Variants in FAM151B observed in about 807,000 individuals in gnomAD.
FAM151B encodes protein FAM151B.
Under a neutral mutation model 31.2 loss-of-function variants are expected in FAM151B, and 24 were observed. The ratio of observed to expected loss-of-function variants is 0.77; its 90% CI spans 0.56 to 1.08. The LOEUF is 1.08. FAM151B is among the 50% of genes least tolerant of loss of function. The pLI is 0.00. For missense variants in FAM151B, 293 were observed against 328.6 expected, an observed-to-expected ratio of 0.89 and a Z score of 0.84; for synonymous variants, 105 against 111.4, an observed-to-expected ratio of 0.94 and a Z score of 0.36.
At chr5:80,513,907 A>G in intron 3 of FAM151B, 138 bp downstream of exon 3, 1 of 823,554 alleles carries the variant, frequency 1.2e-6, no homozygotes. Flanking sequence ...AAATGAACCT[A>G]AGACCCACTG....
At chr5:80,533,760 A>AAAG (rs1440423898) in intron 5 of FAM151B, among the ~76,000 whole-genome samples, 1 of 151,376 alleles carries the variant, frequency 6.6e-6, no homozygotes, top group Non-Finnish European at 1.5e-5. Context: ...AAAAAAAAAA[A>AAAG]AAAAAAAAGA....
chr5:80,522,812 T>C (rs769707756), intron 5 of FAM151B, among the ~76,000 whole-genome samples: 3 of 152,206 alleles, frequency 2.0e-5, no homozygotes, highest in African/African-American at 7.2e-5. Context: ...TATTTTGGTA[T>C]GTAATAAAAA....
chr5:80,519,561 T>A, intron 3 of FAM151B, 132 bp from the exon 4 acceptor site: 1 of 740,850 alleles, frequency 1.3e-6, no homozygotes, highest in Non-Finnish European at 2.2e-6. Flanking sequence ...TATGCGATCT[T>A]TGATTTTATT....
chr5:80,509,438 CT>C (rs1561366210), intron 2 of FAM151B, among the ~76,000 whole-genome samples: 1 of 152,110 alleles, frequency 6.6e-6, no homozygotes, highest in Non-Finnish European at 1.5e-5. Flanking sequence ...TGAGAAGGCC[CT>C]CTTTAAGTAT....
At chr5:80,527,822 A>C (rs1745041226) in intron 5 of FAM151B, among the ~76,000 whole-genome samples, 1 of 152,100 alleles carries the variant, frequency 6.6e-6, no homozygotes, top group African/African-American at 2.4e-5. Flanking sequence ...GACCATATTA[A>C]ATTTATTTAA....
chr5:80,527,295 C>T (rs868301347), intron 5 of FAM151B, among the ~76,000 whole-genome samples: 35 of 151,910 alleles, frequency 2.3e-4, no homozygotes, highest in Admixed American at 6.6e-5. Context: ...TGGTGGCACA[C>T]GTCTGTAATC....
rs567737723 is a variant in FAM151B at position 80,513,504 on chromosome 5, C to CT, written c.152-91dup. On this transcript the variant is annotated intron_variant, in intron 2 of 5. Coordinates refer to ENST00000282226, the MANE Select transcript of FAM151B (RefSeq NM_205548.3). ...GCTCACTGAGTGTTACTTTTCTTTCCTTTTTTTTTATCTTCCTCAAAAGGA... is the reference window on the plus strand; with the variant it reads ...GCTCACTGAGTGTTACTTTTCTTTCCTTTTTTTTTTATCTTCCTCAAAAGGA... The CT allele has an allele frequency of 9.3e-4, 1,111 of 1,199,666 alleles. 1 individual carries two copies. The highest frequency in any genetic ancestry group is 3.2e-3 in the South Asian group (197 of 61,066). 74.3% of individuals were successfully genotyped at this position (1,199,666 alleles called of 1,614,324 possible).
intron 1 of FAM151B, 149 bp downstream of exon 1, chr5:80,488,297 C>A: frequency 9.5e-7 from 1 of 1,047,192 alleles, no homozygotes; most frequent in Non-Finnish European, 1.3e-6. Flanking sequence ...GCTTGGAGCC[C>A]GCTCTGCACT....
intron 1 of FAM151B, among the ~76,000 whole-genome samples, chr5:80,494,456 TTTTCTTTCTTTCTTTCTTTCTTTCTTTC>T (rs3043120): frequency 6.0e-5 from 5 of 82,688 alleles, no homozygotes; most frequent in African/African-American, 2.2e-4. Context: ...TCTTTCTTTC[TTTTCTTTCTTTCTTTCTTTCTTTCTTTC>T]TTTCTTTCTT....
chr5:80,532,160 A>C (rs1745271264), intron 5 of FAM151B, among the ~76,000 whole-genome samples: 2 of 141,744 alleles, frequency 1.4e-5, no homozygotes, highest in Non-Finnish European at 3.0e-5. Context: ...ATAGGTGGGA[A>C]TCGAACAATG....
chr5:80,508,416 C>G (rs566277215), intron 2 of FAM151B, among the ~76,000 whole-genome samples: 1 of 152,222 alleles, frequency 6.6e-6, no homozygotes, highest in East Asian at 1.9e-4. Flanking sequence ...TCTAGTTTCT[C>G]CACATCTTTG....
At chr5:80,532,197 C>T (rs1021281639) in intron 5 of FAM151B, among the ~76,000 whole-genome samples, 3 of 127,158 alleles carry the variant, frequency 2.4e-5, no homozygotes, top group African/African-American at 9.4e-5. Flanking sequence ...GGGTGGGGAA[C>T]ATCCCACACC....
rs564053634 is a variant in FAM151B at position 80,519,781 on chromosome 5, C to A, written c.406C>A (p.Pro136Thr). The A allele has an allele frequency of 6.2e-7, 1 of 1,614,136 alleles. No homozygotes were observed. Among genetic ancestry groups the A allele is most frequent in the African/African-American group, 1.3e-5 (1 of 75,050 alleles). ...TGTATGGATTAATGCCGATATTCTT[C>A]CTGGTCCAAATGGAAATAGCAAAGT... ...RPVWINADIL[P>T]GPNGNSKVID... Residue 136 changes from proline (P) to threonine (T), a missense_variant, in exon 4 of 6, where the codon CCT (proline) becomes ACT (threonine). By Grantham distance (38) the Pro-to-Thr change is conservative. Transcript: ENST00000282226.
At chr5:80,505,947 G>A (rs1011611799) in intron 2 of FAM151B, 5 of 249,452 alleles carry the variant, frequency 2.0e-5, no homozygotes, top group Non-Finnish European at 3.5e-5. Context: ...TTGTAGAGAC[G>A]AGATTTCACC....
Position 80,500,917 on chromosome 5 carries a change from G to A in FAM151B, c.26-875G>A, listed in dbSNP as rs1276674464. 3 of 758,242 alleles carry A rather than the reference G, an allele frequency of 4.0e-6. No individual in the cohort carries two copies. The East Asian group carries it at 7.4e-5, about 19-fold the overall frequency. 47.0% of individuals were successfully genotyped at this position (758,242 alleles called of 1,614,324 possible). On this transcript the variant is annotated intron_variant, in intron 1 of 5. Coordinates refer to ENST00000282226, the MANE Select transcript of FAM151B (RefSeq NM_205548.3). Reference sequence around the variant, plus strand: ...GGATCTGATTCATGAGATCTATACTGTTGGAAAACACTTCAAAGAAGCAAA... The same window carrying A: ...GGATCTGATTCATGAGATCTATACTATTGGAAAACACTTCAAAGAAGCAAA...
intron 1 of FAM151B, among the ~76,000 whole-genome samples, chr5:80,499,699 T>C (rs996854573): frequency 1.3e-5 from 2 of 151,678 alleles, no homozygotes; most frequent in African/African-American, 4.8e-5. Context: ...ATCCTATATG[T>C]CTACTAATTA....
At chr5:80,520,680 G>A (rs996519035) in intron 4 of FAM151B, among the ~76,000 whole-genome samples, 2 of 140,670 alleles carry the variant, frequency 1.4e-5, no homozygotes, top group Admixed American at 7.0e-5. Flanking sequence ...ATATATATAT[G>A]TGTGTGTATA....
At chr5:80,529,253 T>C (rs1221928654) in intron 5 of FAM151B, among the ~76,000 whole-genome samples, 2 of 152,062 alleles carry the variant, frequency 1.3e-5, no homozygotes, top group Non-Finnish European at 2.9e-5. Context: ...TAGAGGGAAA[T>C]TTATAGCACT....
rs778116783 is a variant in FAM151B at position 80,541,716 on chromosome 5, G to A, written c.715G>A (p.Val239Ile). ...IWTGKNDNYS[V>I]EDLLYIRDHF... ...GACTGGAAAAAATGATAACTATTCC[G>A]TTGAAGATTTACTTTACATTAGAGA... Residue 239 changes from valine (V) to isoleucine (I), a missense_variant, in exon 6 of 6, where the codon GTT becomes ATT. By Grantham distance (29) the Val-to-Ile change is conservative (BLOSUM62 3). Transcript: ENST00000282226. 35 of 1,613,474 alleles carry A rather than the reference G, an allele frequency of 2.2e-5. No individual in the cohort carries two copies. Among genetic ancestry groups the A allele is most frequent in the African/African-American group, 1.2e-4 (9 of 74,884 alleles).
Sources: gnomAD v4.1 joint callset for allele counts (sites outside exome capture counted in the v4.1 genomes callset) on GRCh38, gnomAD v4.1.1 for gene constraint, MANE v1.5 for transcripts, NCBI Gene and HGNC (gene_info 2026-07-23, HGNC 2026-07-21) for gene names.